Variants in VPS13B observed in about 807,000 individuals in gnomAD.
VPS13B encodes the protein intermembrane lipid transfer protein VPS13B.
A neutral mutation model predicts 426.4 loss-of-function variants in VPS13B; 285 were observed. The ratio of observed to expected loss-of-function variants is 0.67; its 90% CI spans 0.61 to 0.74. The LOEUF (loss-of-function observed/expected upper bound fraction) is 0.74. Among genes scored for constraint, VPS13B ranks in the 30% least tolerant of loss-of-function variants. The pLI is 0.00. For missense variants in VPS13B, 4,537 were observed against 4,782.6 expected, an observed-to-expected ratio of 0.95 and a Z score of 1.51; for synonymous variants, 1,676 against 1,676.4, an observed-to-expected ratio of 1.00 and a Z score of 0.01.
chr8:99,061,304 TTTTTTTTTTTG>T (rs1262579860), intron 3 of VPS13B, among the ~76,000 whole-genome samples: 3 of 150,184 alleles, frequency 2.0e-5, no homozygotes, highest in South Asian at 4.2e-4. Context: ...TTCTTTTTTT[TTTTTTTTTTTG>T]AACTTGTTCA....
chr8:99,041,988 T>C (rs1249002287), intron 3 of VPS13B, among the ~76,000 whole-genome samples: 1 of 151,928 alleles, frequency 6.6e-6, no homozygotes, highest in Non-Finnish European at 1.5e-5. Context: ...TTTGTAAGGC[T>C]GTTTATAGAA....
At chr8:99,038,701 T>G in intron 3 of VPS13B, 135 bp downstream of exon 3, 2 of 782,742 alleles carry the variant, frequency 2.6e-6, no homozygotes. Context: ...TTTTTTTTTT[T>G]TTTTGAGATA....
chr8:99,201,760 A>G (rs1192928379), intron 17 of VPS13B, among the ~76,000 whole-genome samples: 1 of 152,210 alleles, frequency 6.6e-6, no homozygotes, highest in Non-Finnish European at 1.5e-5. Flanking sequence ...TTTATGTTAC[A>G]TATAAATACT....
intron 19 of VPS13B, among the ~76,000 whole-genome samples, chr8:99,368,347 G>A (rs1167221859): frequency 6.6e-6 from 1 of 152,112 alleles, no homozygotes; most frequent in East Asian, 1.9e-4. Context: ...CACACACAAT[G>A]TTAGCTTATG....
intron 16 of VPS13B, among the ~76,000 whole-genome samples, chr8:99,188,137 C>T (rs1245090791): frequency 1.4e-5 from 2 of 139,464 alleles, no homozygotes; most frequent in Non-Finnish European, 1.5e-5. Flanking sequence ...ACTTTAGGGA[C>T]CTAGTTTGTT....
At chr8:99,635,597 A>C (rs1158057736) in intron 33 of VPS13B, among the ~76,000 whole-genome samples, 1 of 152,046 alleles carries the variant, frequency 6.6e-6, no homozygotes, top group Non-Finnish European at 1.5e-5. Flanking sequence ...GTCAGCCATC[A>C]AAACAAAAAT....
At chr8:99,479,074 C>T in intron 24 of VPS13B, among the ~76,000 whole-genome samples, 1 of 152,120 alleles carries the variant, frequency 6.6e-6, no homozygotes, top group Middle Eastern at 3.2e-3. Flanking sequence ...TCTCCTGATA[C>T]TCTGCAAAAT....
intron 31 of VPS13B, among the ~76,000 whole-genome samples, chr8:99,564,578 A>G (rs566239902): frequency 6.6e-6 from 1 of 152,314 alleles, no homozygotes; most frequent in East Asian, 1.9e-4. Context: ...AAAAGTGAGA[A>G]CAAGCCAGAA....
chr8:99,469,872 TA>T (rs1336590392), intron 24 of VPS13B, among the ~76,000 whole-genome samples: 1 of 152,124 alleles, frequency 6.6e-6, no homozygotes, highest in East Asian at 1.9e-4. Flanking sequence ...GATGTAAAGA[TA>T]CACATGGAGA....
At chr8:99,559,647 C>G (rs1563796091) in intron 31 of VPS13B, among the ~76,000 whole-genome samples, 2 of 152,262 alleles carry the variant, frequency 1.3e-5, no homozygotes, top group Admixed American at 6.5e-5. Flanking sequence ...TTCCCAGCAC[C>G]ATTTATTATA....
At chr8:99,219,078 A>AT (rs958963158) in intron 17 of VPS13B, among the ~76,000 whole-genome samples, 1 of 151,796 alleles carries the variant, frequency 6.6e-6, no homozygotes, top group Non-Finnish European at 1.5e-5. Context: ...ATCAGCAATG[A>AT]TTTTTTTTCT....
At chr8:99,373,211 A>G (rs1189255212) in intron 19 of VPS13B, among the ~76,000 whole-genome samples, 1 of 152,100 alleles carries the variant, frequency 6.6e-6, no homozygotes, top group East Asian at 1.9e-4. Flanking sequence ...TACCTAATGC[A>G]TGTAGGGCTT....
intron 19 of VPS13B, among the ~76,000 whole-genome samples, chr8:99,332,239 T>G (rs2133157809): frequency 6.6e-6 from 1 of 151,766 alleles, no homozygotes; most frequent in South Asian, 2.1e-4. Context: ...TTAGGTTTTT[T>G]CAGTATTTGT....
chr8:99,378,210 G>T (rs1482593482), intron 19 of VPS13B, among the ~76,000 whole-genome samples: 3 of 141,030 alleles, frequency 2.1e-5, no homozygotes, highest in African/African-American at 5.3e-5. Context: ...ATAATTCAGT[G>T]ATATTCCTCT....
At chr8:99,154,287 GTCTTT>G (rs1811235195) in intron 14 of VPS13B, among the ~76,000 whole-genome samples, 1 of 150,784 alleles carries the variant, frequency 6.6e-6, no homozygotes, top group Non-Finnish European at 1.5e-5. Flanking sequence ...GTTTCTTTCT[GTCTTT>G]TCTTCTCTTG....
At position 99,586,474 on chromosome 8, in the gene VPS13B, C is replaced by T. The variant is rs191261169; in HGVS notation, c.5220+8841C>T. Among the ~76,000 whole-genome samples the T allele has an allele frequency of 2.3e-4, 35 of 152,164 alleles. 1 individual carries two copies. Among genetic ancestry groups the T allele is most frequent in the Admixed American group, 2.0e-3 (31 of 15,282 alleles). ...GTAATGTCTAATACCTGAGTCATCCCGTCTTCCCAACTAGTCTAGTCCTTC... is the reference window on the plus strand; with the variant it reads ...GTAATGTCTAATACCTGAGTCATCCTGTCTTCCCAACTAGTCTAGTCCTTC... On this transcript the variant is annotated intron_variant, in intron 33 of 61. Transcript: ENST00000357162.
intron 39 of VPS13B, among the ~76,000 whole-genome samples, chr8:99,746,258 T>C (rs140111678): frequency 3.0e-4 from 46 of 152,260 alleles, no homozygotes; most frequent in African/African-American, 1.1e-3. Flanking sequence ...CAGAATAATA[T>C]TATTCCTATT....
At chr8:99,652,023 T>C (rs1829833660) in intron 34 of VPS13B, among the ~76,000 whole-genome samples, 1 of 152,214 alleles carries the variant, frequency 6.6e-6, no homozygotes, top group Admixed American at 6.5e-5. Flanking sequence ...AGTTAAAGTT[T>C]ATTTGAATGT....
intron 61 of VPS13B, chr8:99,875,171 T>A (rs1424994519): frequency 1.8e-6 from 1 of 552,314 alleles, no homozygotes; most frequent in Admixed American, 3.1e-5. Context: ...GGGAATTTTA[T>A]GCAACACCAA....
Sources: gnomAD v4.1 joint callset for allele counts (sites outside exome capture counted in the v4.1 genomes callset) on GRCh38, gnomAD v4.1.1 for gene constraint, MANE v1.5 for transcripts, NCBI Gene and HGNC (gene_info 2026-07-23, HGNC 2026-07-21) for gene names.